PDE11A: variants seen among roughly 807,000 people sequenced by gnomAD.
The protein encoded by PDE11A is phosphodiesterase 11A.
A neutral mutation model predicts 100.5 loss-of-function variants in PDE11A; 100 were observed. The observed-to-expected ratio is 1.00, with a 90% confidence interval of 0.85 to 1.18. PDE11A has a LOEUF of 1.18. Ranked by LOEUF, PDE11A falls within the 50% of genes most tolerant of loss-of-function variation. PDE11A has a pLI of 0.00. For missense variants in PDE11A, 1,141 were observed against 1,152.6 expected, an observed-to-expected ratio of 0.99 and a Z score of 0.15; for synonymous variants, 381 against 420.8, an observed-to-expected ratio of 0.91 and a Z score of 1.16.
chr2:177,657,229 T>C (rs2080402967), intron 19 of PDE11A, among the ~76,000 whole-genome samples: 1 of 152,242 alleles, frequency 6.6e-6, no homozygotes, highest in East Asian at 1.9e-4. Flanking sequence ...TTACTATCTA[T>C]CAGCACTCAG....
chr2:178,056,930 G>A (rs528745696), intron 1 of PDE11A, among the ~76,000 whole-genome samples: 10 of 152,106 alleles, frequency 6.6e-5, no homozygotes, highest in South Asian at 2.1e-4. Context: ...AAAATGGGGC[G>A]CACCAGGGGA....
intron 2 of PDE11A, among the ~76,000 whole-genome samples, chr2:177,940,747 C>A (rs906446300): frequency 2.6e-5 from 4 of 152,138 alleles, no homozygotes; most frequent in Non-Finnish European, 1.5e-5. Context: ...CTAAATTAAA[C>A]AAAATCTGGG....
chr2:178,014,421 A>G lies in PDE11A; in HGVS notation c.952T>C (p.Tyr318His), dbSNP rs1198756855. 1.2e-6 allele frequency: 2 copies of G among 1,613,302 alleles called. No individual in the cohort carries two copies. The highest frequency in any genetic ancestry group is 1.1e-5 in the South Asian group (1 of 91,068). ...ATGCACAATAATGATTTTGTCTTGT[A>G]TCCAGTTAGCTTGTCGATTTCATCA... Reference protein sequence around the residue: ...FNDEIDKLTGYKTKSLLCMPI... With the variant: ...FNDEIDKLTGHKTKSLLCMPI... Residue 318 changes from tyrosine to histidine, a missense_variant, in exon 2 of 20, where the codon TAC becomes CAC. By Grantham distance (83) the Tyr-to-His change is moderately conservative (BLOSUM62 2). Coordinates refer to ENST00000286063, the MANE Select transcript of PDE11A (RefSeq NM_016953.4).
intron 12 of PDE11A, among the ~76,000 whole-genome samples, chr2:177,718,977 A>G (rs1023497281): frequency 1.3e-5 from 2 of 152,218 alleles, no homozygotes; most frequent in Non-Finnish European, 2.9e-5. Context: ...CTTGCTGCAC[A>G]TAGAATCTGG....
At chr2:177,902,178 A>G (rs935394260) in intron 3 of PDE11A, among the ~76,000 whole-genome samples, 1 of 152,230 alleles carries the variant, frequency 6.6e-6, no homozygotes, top group Non-Finnish European at 1.5e-5. Flanking sequence ...GCCTTAACTG[A>G]TGACATTCCA....
intron 9 of PDE11A, among the ~76,000 whole-genome samples, chr2:177,788,589 T>C (rs1456473416): frequency 1.3e-5 from 2 of 151,632 alleles, no homozygotes; most frequent in Non-Finnish European, 2.9e-5. Flanking sequence ...AAAAAATTAA[T>C]GAATCCAGGA....
At chr2:177,736,654 T>C (rs1416682691) in intron 10 of PDE11A, among the ~76,000 whole-genome samples, 2 of 152,018 alleles carry the variant, frequency 1.3e-5, no homozygotes, top group African/African-American at 2.4e-5. Context: ...ACCTAGAAAG[T>C]GGATGCACCT....
chr2:177,853,409 C>G (rs771324119), intron 5 of PDE11A, among the ~76,000 whole-genome samples: 1 of 151,506 alleles, frequency 6.6e-6, no homozygotes, highest in Non-Finnish European at 1.5e-5. Flanking sequence ...TGCTTAACTT[C>G]TAGGACAGTA....
At chr2:178,041,666 G>A (rs1332754367) in intron 1 of PDE11A, among the ~76,000 whole-genome samples, 1 of 152,046 alleles carries the variant, frequency 6.6e-6, no homozygotes, top group Non-Finnish European at 1.5e-5. Context: ...AATGGTAGAA[G>A]CTAATATTTA....
intron 1 of PDE11A, among the ~76,000 whole-genome samples, chr2:178,026,610 G>A (rs1364353936): frequency 2.7e-5 from 4 of 150,904 alleles, no homozygotes; most frequent in Non-Finnish European, 5.9e-5. Flanking sequence ...GCAGTGAGCC[G>A]AGATTGCGCC....
At chr2:177,818,892 G>A (rs1574175385) in intron 7 of PDE11A, among the ~76,000 whole-genome samples, 1 of 151,854 alleles carries the variant, frequency 6.6e-6, no homozygotes, top group African/African-American at 2.4e-5. Context: ...TCTAAAGTAT[G>A]CTTGTATTTT....
chr2:177,827,567 G>A (rs2083245216), intron 6 of PDE11A, among the ~76,000 whole-genome samples: 1 of 152,174 alleles, frequency 6.6e-6, no homozygotes, highest in South Asian at 2.1e-4. Flanking sequence ...ACAAATGGAA[G>A]GAAATACTGA....
chr2:177,631,564 TATATAC>T (rs2105432736), intron 19 of PDE11A, among the ~76,000 whole-genome samples: 1 of 36,626 alleles, frequency 2.7e-5, no homozygotes, highest in Admixed American at 4.8e-4. Context: ...TATATATATA[TATATAC>T]ATGTATATAT....
At chr2:177,831,245 G>A (rs2083303619) in intron 6 of PDE11A, among the ~76,000 whole-genome samples, 1 of 152,220 alleles carries the variant, frequency 6.6e-6, no homozygotes. Context: ...GCAGGCATCT[G>A]ACAGCACTTG....
intron 1 of PDE11A, among the ~76,000 whole-genome samples, chr2:178,022,747 G>A (rs1327945530): frequency 1.3e-5 from 2 of 152,144 alleles, no homozygotes; most frequent in African/African-American, 4.8e-5. Context: ...GGAGAATGGT[G>A]CCCAATTTTT....
At position 177,629,217 on chromosome 2, in the gene PDE11A, T is replaced by C. The variant is rs2079879117; in HGVS notation, c.*190A>G. The C allele has an allele frequency of 7.8e-6, 5 of 644,722 alleles. No homozygotes were observed. The Admixed American group carries it at 9.2e-5, about 12-fold the overall frequency. The allele number at this position is 644,722 out of a possible 1,614,324, so 39.9% of individuals were successfully genotyped here. On this transcript the variant is annotated 3_prime_UTR_variant, in exon 20 of 20. Transcript: ENST00000286063. ...CCTGGGGTGTGCTCCCTGCCCCACCTCTTTCTTTGTCCTTCCCGTTGCTCT... is the reference window on the plus strand; with the variant it reads ...CCTGGGGTGTGCTCCCTGCCCCACCCCTTTCTTTGTCCTTCCCGTTGCTCT...
chr2:177,801,898 CA>C (rs1450577262), intron 9 of PDE11A, among the ~76,000 whole-genome samples: 2 of 151,948 alleles, frequency 1.3e-5, no homozygotes, highest in African/African-American at 4.8e-5. Context: ...AAAATCTTAT[CA>C]AAAGACACCA....
At position 177,910,511 on chromosome 2, in the gene PDE11A, C is replaced by CA. The variant is rs536029846; in HGVS notation, c.1072-5325dup. On this transcript the variant is annotated intron_variant, in intron 2 of 19. Transcript: ENST00000286063. ...TGCTCTTTCTGAAGTCCCTCATTTC[C>CA]AAAAAAACCAACTAATTTGGCCTTC... Among the ~76,000 whole-genome samples, 76 of 151,266 alleles carry CA rather than the reference C, an allele frequency of 5.0e-4. 2 individuals are homozygous for CA. The East Asian group carries it at 8.0e-3, about 16-fold the overall frequency.
chr2:177,697,196 A>G, intron 15 of PDE11A, 136 bp downstream of exon 15: 1 of 670,950 alleles, frequency 1.5e-6, no homozygotes, highest in South Asian at 1.5e-5. Context: ...TCAGAGAGAA[A>G]CAACAACAAA....
Sources: gnomAD v4.1 joint callset for allele counts (sites outside exome capture counted in the v4.1 genomes callset) on GRCh38, gnomAD v4.1.1 for gene constraint, MANE v1.5 for transcripts, NCBI Gene and HGNC (gene_info 2026-07-23, HGNC 2026-07-21) for gene names.